The following MGAT4C variants were observed in gnomAD, a reference collection of about 807,000 sequenced individuals.
MGAT4C encodes MGAT4 family member C.
MGAT4C carries 19 observed loss-of-function variants against 40.1 expected under a neutral mutation model. The ratio of observed to expected loss-of-function variants is 0.47; its 90% CI spans 0.33 to 0.70. The LOEUF is 0.70. Among genes scored for constraint, MGAT4C ranks in the 30% least tolerant of loss-of-function variants. The pLI, the probability that MGAT4C is intolerant of heterozygous loss-of-function variation, is 0.02. For synonymous variants in MGAT4C, 181 were observed against 187.1 expected (o/e 0.97, Z 0.27); for missense variants, 491 against 563.2 (o/e 0.87, Z 1.30).
intron 3 of MGAT4C, among the ~76,000 whole-genome samples, chr12:86,377,338 C>T (rs1955848692): frequency 6.6e-6 from 1 of 152,120 alleles, no homozygotes; most frequent in South Asian, 2.1e-4. Flanking sequence ...GGATTACAGG[C>T]GTGAGCCACT....
At position 86,037,407 on chromosome 12, in the gene MGAT4C, G is replaced by T. The variant is rs777064872; in HGVS notation, c.-7+12267C>A. On this transcript the variant is annotated intron_variant, in intron 2 of 4. Transcript: ENST00000611864. ...AGGGTGTCAATTTTAGATATTTCCT[G>T]CTTTCTCTTGTGGGCATTTACTGCT... Among the ~76,000 whole-genome samples, 4 of 150,018 alleles carry T rather than the reference G, an allele frequency of 2.7e-5. 1 individual carries two copies. Among genetic ancestry groups the T allele is most frequent in the African/African-American group, 4.8e-5 (2 of 41,240 alleles).
intron 3 of MGAT4C, among the ~76,000 whole-genome samples, chr12:86,399,343 G>A (rs139178878): frequency 0.011 from 1,668 of 150,960 alleles, 19 homozygotes; most frequent in East Asian, 0.044. Context: ...AGTGAGTGGC[G>A]CAATCTCGGC....
intron 1 of MGAT4C, among the ~76,000 whole-genome samples, chr12:86,763,945 C>G (rs7314296): frequency 6.6e-6 from 1 of 152,050 alleles, no homozygotes; most frequent in African/African-American, 2.4e-5. Flanking sequence ...ACGCAGAAGA[C>G]GGGTGATTTC....
intron 4 of MGAT4C, among the ~76,000 whole-genome samples, chr12:86,315,021 A>AC (rs1367726893): frequency 6.6e-6 from 1 of 151,992 alleles, no homozygotes; most frequent in Non-Finnish European, 1.5e-5. Context: ...AGAACTGAAA[A>AC]AAAACAAGCC....
At chr12:86,453,761 G>A (rs573705463) in intron 2 of MGAT4C, among the ~76,000 whole-genome samples, 5 of 151,986 alleles carry the variant, frequency 3.3e-5, no homozygotes, top group East Asian at 1.9e-4. Context: ...TTCTTATGTC[G>A]GGAAAACACA....
chr12:86,194,454 C>A (rs116135251), intron 1 of MGAT4C, among the ~76,000 whole-genome samples: 7,150 of 146,490 alleles, frequency 0.049, 205 homozygotes, highest in African/African-American at 0.083. Flanking sequence ...AGGAGCAAAT[C>A]AATTTTTTTT....
intron 1 of MGAT4C, among the ~76,000 whole-genome samples, chr12:86,087,828 C>T (rs192096045): frequency 1.3e-5 from 2 of 151,954 alleles, no homozygotes; most frequent in Admixed American, 1.3e-4. Flanking sequence ...AGATTTATTG[C>T]TATTCCTATC....
chr12:86,748,251 A>T (rs939458040), intron 1 of MGAT4C, among the ~76,000 whole-genome samples: 3 of 151,596 alleles, frequency 2.0e-5, no homozygotes, highest in Admixed American at 1.3e-4. Context: ...ACTCATTTTC[A>T]TATAATATTG....
In MGAT4C at chr12:86,762,372, G is replaced by C. The variant is rs112685224; in HGVS notation, c.-261-35131C>G. On this transcript the variant is annotated intron_variant, in intron 1 of 7. Transcript: ENST00000548651. ...GGCCCTAAGGCTACACTCTTATATG[G>C]GGCTTAGGGTCCTTTTCCAAACTCA... Among the ~76,000 whole-genome samples, 492 of 151,988 alleles carry C rather than the reference G, an allele frequency of 3.2e-3. 2 individuals carry two copies. The highest frequency in any genetic ancestry group is 0.011 in the African/African-American group (476 of 41,450).
rs1592578357 is a variant in MGAT4C, at chr12:85,972,390, T to C, written c.*6899A>G. The stretch of plus-strand genomic sequence containing the variant: ...AAGAAAAACTATTTGTTCATTTTAT[T>C]AGCAGATATCAAATGCCCTTTTGAA... On this transcript the variant is annotated 3_prime_UTR_variant, in exon 5 of 5. Transcript: ENST00000611864. The C allele has an allele frequency of 1.3e-5, 2 of 151,236 alleles. No individual in the cohort carries two copies. The highest frequency in any genetic ancestry group is 3.0e-5 in the Non-Finnish European group (2 of 67,276). 9.4% of individuals were successfully genotyped at this position (151,236 alleles called of 1,614,324 possible). A position where few individuals can be genotyped will look rare whatever the true frequency, so the allele number is the denominator to read the frequency against.
At chr12:86,836,781 TCTAGCTC>T (rs1953046296) in intron 1 of MGAT4C, among the ~76,000 whole-genome samples, 1 of 152,126 alleles carries the variant, frequency 6.6e-6, no homozygotes. Context: ...AAACTTCTAT[TCTAGCTC>T]CTCCATACCC....
At chr12:86,092,390 T>C (rs1403489981) in intron 1 of MGAT4C, among the ~76,000 whole-genome samples, 3 of 152,106 alleles carry the variant, frequency 2.0e-5, no homozygotes, top group Non-Finnish European at 4.4e-5. Flanking sequence ...AATTACTATA[T>C]TACCCTATTG....
At chr12:86,457,893 T>G (rs1044809908) in intron 2 of MGAT4C, among the ~76,000 whole-genome samples, 1 of 152,094 alleles carries the variant, frequency 6.6e-6, no homozygotes, top group Non-Finnish European at 1.5e-5. Flanking sequence ...TGCTTCAGTA[T>G]GGAATAATCC....
intron 1 of MGAT4C, among the ~76,000 whole-genome samples, chr12:86,193,622 T>G (rs1273518402): frequency 6.6e-6 from 1 of 152,108 alleles, no homozygotes; most frequent in Non-Finnish European, 1.5e-5. Context: ...GAGGATGTTT[T>G]CTTTTAGGTA....
intron 2 of MGAT4C, among the ~76,000 whole-genome samples, chr12:86,628,243 TA>T (rs1332692244): frequency 1.3e-5 from 2 of 152,134 alleles, no homozygotes; most frequent in Non-Finnish European, 2.9e-5. Flanking sequence ...AATATGGGAC[TA>T]TGTGAAAAGA....
intron 3 of MGAT4C, among the ~76,000 whole-genome samples, chr12:86,352,299 G>C (rs761449292): frequency 6.6e-6 from 1 of 151,848 alleles, no homozygotes; most frequent in Non-Finnish European, 1.5e-5. Flanking sequence ...TAAATTTTGA[G>C]ACTATAAAAC....
chr12:86,050,018 A>G (rs535236646), intron 1 of MGAT4C, among the ~76,000 whole-genome samples: 220 of 152,096 alleles, frequency 1.4e-3, no homozygotes, highest in African/African-American at 5.0e-3. Context: ...ATACACACAT[A>G]TAAGTCTCTT....
intron 1 of MGAT4C, among the ~76,000 whole-genome samples, chr12:86,791,407 C>A (rs1441854216): frequency 1.3e-5 from 2 of 150,100 alleles, no homozygotes; most frequent in Non-Finnish European, 3.0e-5. Context: ...ATTTTTAATG[C>A]AAAGAAACAT....
intron 3 of MGAT4C, among the ~76,000 whole-genome samples, chr12:86,412,640 C>T (rs1354434095): frequency 6.6e-6 from 1 of 152,112 alleles, no homozygotes; most frequent in Non-Finnish European, 1.5e-5. Flanking sequence ...AGGGACTTGC[C>T]TTGTCTCAGG....
Sources: gnomAD v4.1 joint callset for allele counts (sites outside exome capture counted in the v4.1 genomes callset) on GRCh38, gnomAD v4.1.1 for gene constraint, MANE v1.5 for transcripts, NCBI Gene and HGNC (gene_info 2026-07-23, HGNC 2026-07-21) for gene names.